ADAMTS20: variants seen among roughly 807,000 people sequenced by gnomAD.
ADAMTS20 encodes A disintegrin and metalloproteinase with thrombospondin motifs 20.
A neutral mutation model predicts 260.1 loss-of-function variants in ADAMTS20; 225 were observed. That is an observed-to-expected ratio of 0.87 (90% confidence interval 0.78 to 0.97). The LOEUF (loss-of-function observed/expected upper bound fraction) is 0.97. Among genes scored for constraint, ADAMTS20 ranks in the 50% least tolerant of loss-of-function variants. ADAMTS20 has a pLI of 0.00. For synonymous variants in ADAMTS20, 802 were observed against 769.5 expected, an observed-to-expected ratio of 1.04 and a Z score of -0.70; for missense variants, 2,400 against 2,337.7, an observed-to-expected ratio of 1.03 and a Z score of -0.55.
At position 43,454,483 on chromosome 12, in the gene ADAMTS20, T is replaced by C. The variant is rs1373889025; in HGVS notation, c.1615-431A>G. On this transcript the variant is annotated intron_variant, in intron 11 of 38. Coordinates refer to ENST00000389420, the MANE Select transcript of ADAMTS20 (RefSeq NM_025003.5). The stretch of plus-strand genomic sequence containing the variant: ...GTCTCAAATGACAACCTTGTTCCTT[T>C]ACTTTCATCAGGAAAATGGAAACTT... Among the ~76,000 whole-genome samples, 7 of 152,214 alleles carry C rather than the reference T, an allele frequency of 4.6e-5. No individual in the cohort carries two copies. The East Asian group carries it at 1.3e-3, about 29-fold the overall frequency.
At chr12:43,386,649 C>G (rs1399206631) in intron 29 of ADAMTS20, among the ~76,000 whole-genome samples, 1 of 152,174 alleles carries the variant, frequency 6.6e-6, no homozygotes, top group Non-Finnish European at 1.5e-5. Context: ...GGTCTTTTCA[C>G]GTTGTCCCAC....
rs1270487720 is a variant in ADAMTS20 at position 43,456,339 on chromosome 12, T to C, written c.1615-2287A>G. Among the ~76,000 whole-genome samples the C allele has an allele frequency of 2.6e-5, 4 of 152,318 alleles. No homozygotes were observed. The East Asian group carries it at 5.8e-4, about 22-fold the overall frequency. On this transcript the variant is annotated intron_variant, in intron 11 of 38. Transcript: ENST00000389420. ...CATTAACATACAAACACAGCTGTTA[T>C]TTCTCTCACTTTAAGAAAACAATAG...
At chr12:43,498,917 A>G (rs963661442) in intron 4 of ADAMTS20, among the ~76,000 whole-genome samples, 2 of 152,178 alleles carry the variant, frequency 1.3e-5, no homozygotes, top group African/African-American at 2.4e-5. Context: ...AACCATAAAT[A>G]TAGTTGTGAT....
At chr12:43,503,692 G>GT (rs1305983867) in intron 3 of ADAMTS20, among the ~76,000 whole-genome samples, 1 of 151,874 alleles carries the variant, frequency 6.6e-6, no homozygotes, top group Non-Finnish European at 1.5e-5. Flanking sequence ...CCCCATATTT[G>GT]TTTTTTTCTG....
chr12:43,502,512 C>T (rs1942783836), intron 3 of ADAMTS20, 107 bp from the exon 4 acceptor site: 2 of 989,576 alleles, frequency 2.0e-6, no homozygotes, highest in Admixed American at 5.5e-5. Flanking sequence ...ATATCTGTTC[C>T]CAACATGAAA....
intron 6 of ADAMTS20, among the ~76,000 whole-genome samples, chr12:43,492,176 C>T (rs887040137): frequency 6.6e-6 from 1 of 151,816 alleles, no homozygotes; most frequent in Non-Finnish European, 1.5e-5. Flanking sequence ...GTCAGGAGAT[C>T]GAGACCATCC....
intron 28 of ADAMTS20, among the ~76,000 whole-genome samples, chr12:43,424,791 A>T (rs1178808453): frequency 1.3e-5 from 2 of 151,960 alleles, no homozygotes; most frequent in African/African-American, 4.8e-5. Context: ...CCATTAGAAC[A>T]GTAGTATGGT....
At chr12:43,472,639 C>T (rs867735845) in intron 7 of ADAMTS20, among the ~76,000 whole-genome samples, 25,287 of 125,568 alleles carry the variant, frequency 0.2, 3,119 homozygotes, top group African/African-American at 0.34. Flanking sequence ...GCGGATCTCT[C>T]GGCAGAAACC....
chr12:43,421,258 G>T (rs1343354955), intron 28 of ADAMTS20, among the ~76,000 whole-genome samples: 1 of 115,924 alleles, frequency 8.6e-6, no homozygotes, highest in Non-Finnish European at 1.7e-5. Flanking sequence ...AGAATTTAGG[G>T]TTCAAGTAGC....
intron 31 of ADAMTS20, 81 bp downstream of exon 31, chr12:43,383,477 C>A: frequency 2.9e-6 from 4 of 1,391,988 alleles, no homozygotes; most frequent in South Asian, 1.5e-5. Context: ...AAATTTTATA[C>A]CCAGTTTCAG....
intron 11 of ADAMTS20, among the ~76,000 whole-genome samples, chr12:43,457,999 A>T (rs1941996219): frequency 6.6e-6 from 1 of 152,222 alleles, no homozygotes; most frequent in Non-Finnish European, 1.5e-5. Flanking sequence ...TTATTTTGCC[A>T]AGGTTGAGGG....
At chr12:43,372,016 G>GT (rs747220203) in intron 36 of ADAMTS20, among the ~76,000 whole-genome samples, 4 of 152,198 alleles carry the variant, frequency 2.6e-5, no homozygotes, top group Non-Finnish European at 4.4e-5. Context: ...GGCAGGAAAT[G>GT]TTAGAAGTTC....
At chr12:43,506,604 T>G (rs1477178092) in intron 3 of ADAMTS20, among the ~76,000 whole-genome samples, 1 of 151,714 alleles carries the variant, frequency 6.6e-6, no homozygotes, top group East Asian at 1.9e-4. Flanking sequence ...CTCGGCCTCC[T>G]GAGTAGCTGG....
intron 18 of ADAMTS20, among the ~76,000 whole-genome samples, chr12:43,438,895 T>C (rs1485706556): frequency 6.6e-6 from 1 of 152,200 alleles, no homozygotes; most frequent in Non-Finnish European, 1.5e-5. Context: ...TAGTACTGTA[T>C]TTACCATTTT....
intron 7 of ADAMTS20, among the ~76,000 whole-genome samples, chr12:43,476,944 A>C (rs1942364512): frequency 6.7e-6 from 1 of 149,578 alleles, no homozygotes; most frequent in African/African-American, 2.5e-5. Context: ...ATGTATACAT[A>C]TGTAACTAAC....
chr12:43,417,278 G>A (rs372275368), intron 28 of ADAMTS20, among the ~76,000 whole-genome samples: 1 of 152,120 alleles, frequency 6.6e-6, no homozygotes, highest in African/African-American at 2.4e-5. Flanking sequence ...TCACTTTTCA[G>A]TTCAGTTAAC....
Position 43,425,642 on chromosome 12 carries a change from GACATATT to G in ADAMTS20, c.4149_4155del (p.Ile1384AsnfsTer8), listed in dbSNP as rs1565691698. The G allele has an allele frequency of 6.2e-7, 1 of 1,609,840 alleles. No individual in the cohort carries two copies. The highest frequency in any genetic ancestry group is 8.5e-7 in the Non-Finnish European group (1 of 1,177,456). The stretch of plus-strand genomic sequence containing the variant: ...TCTAATATTTGGCCATTGGGAAATT[GACATATT>G]ACAAGTCTTGATTTTATTCCTCCTC... On this transcript the variant is annotated frameshift_variant, in exon 28 of 39. Transcript: ENST00000389420. LOFTEE classifies it high-confidence loss of function.
At chr12:43,482,033 TA>T (rs1286710856) in intron 7 of ADAMTS20, among the ~76,000 whole-genome samples, 1 of 152,106 alleles carries the variant, frequency 6.6e-6, no homozygotes, top group African/African-American at 2.4e-5. Flanking sequence ...GCGTTAACCC[TA>T]CCCAGTGCTG....
intron 14 of ADAMTS20, 37 bp from the exon 15 acceptor site, chr12:43,446,749 A>T: frequency 1.3e-6 from 2 of 1,512,360 alleles, no homozygotes; most frequent in South Asian, 1.1e-5. Flanking sequence ...TATAAGAATG[A>T]CTAATTATGA....
Sources: gnomAD v4.1 joint callset for allele counts (sites outside exome capture counted in the v4.1 genomes callset) on GRCh38, gnomAD v4.1.1 for gene constraint, MANE v1.5 for transcripts, NCBI Gene and HGNC (gene_info 2026-07-23, HGNC 2026-07-21) for gene names.